Variants in SUPT3H observed in about 807,000 individuals in gnomAD.
The protein encoded by SUPT3H is SPT3 homolog, SAGA and STAGA complex component.
Under a neutral mutation model 44.3 loss-of-function variants are expected in SUPT3H, and 44 were observed. The ratio of observed to expected loss-of-function variants is 0.99; its 90% confidence interval spans 0.78 to 1.28. SUPT3H has a LOEUF of 1.28. Among genes scored for constraint, SUPT3H ranks in the 50% most tolerant of loss-of-function variants. The pLI, the probability that SUPT3H is intolerant of heterozygous loss-of-function variation, is 0.00. For missense variants in SUPT3H, 380 were observed against 387.1 expected, an observed-to-expected ratio of 0.98 and a Z score of 0.15; for synonymous variants, 124 against 125.6, an observed-to-expected ratio of 0.99 and a Z score of 0.09.
chr6:44,848,321 G>A (rs1262335098), intron 10 of SUPT3H, among the ~76,000 whole-genome samples: 2 of 152,030 alleles, frequency 1.3e-5, no homozygotes, highest in African/African-American at 2.4e-5. Flanking sequence ...TCTCTAGCAC[G>A]GTGACTTTTC....
chr6:45,353,602 C>T (rs1240790891), intron 2 of SUPT3H, among the ~76,000 whole-genome samples: 1 of 151,446 alleles, frequency 6.6e-6, no homozygotes, highest in Non-Finnish European at 1.5e-5. Flanking sequence ...AACTTAGAAC[C>T]CTCCCTGACA....
intron 2 of SUPT3H, among the ~76,000 whole-genome samples, chr6:45,107,782 C>G (rs922983306): frequency 6.6e-6 from 1 of 152,118 alleles, no homozygotes. Flanking sequence ...ATCAAGTCAT[C>G]AAGAATGAGA....
At chr6:44,899,843 T>C (rs1764687896) in intron 10 of SUPT3H, among the ~76,000 whole-genome samples, 1 of 152,174 alleles carries the variant, frequency 6.6e-6, no homozygotes, top group Non-Finnish European at 1.5e-5. Flanking sequence ...ACTCTGGAGG[T>C]TGATCCATGA....
intron 10 of SUPT3H, among the ~76,000 whole-genome samples, chr6:44,877,999 T>C (rs1561941216): frequency 6.6e-6 from 1 of 152,342 alleles, no homozygotes; most frequent in South Asian, 2.1e-4. Flanking sequence ...ATGTATGATA[T>C]GCCGTTTCTT....
chr6:45,226,181 TA>T (rs1306493337), intron 2 of SUPT3H, among the ~76,000 whole-genome samples: 5 of 152,188 alleles, frequency 3.3e-5, no homozygotes, highest in Non-Finnish European at 5.9e-5. Flanking sequence ...GAAATGGTGA[TA>T]TTTTTCAGTT....
intron 2 of SUPT3H, among the ~76,000 whole-genome samples, chr6:45,181,100 G>A (rs1336918363): frequency 1.3e-5 from 2 of 151,192 alleles, no homozygotes; most frequent in African/African-American, 4.9e-5. Context: ...ATGCAGCCAA[G>A]AAACACATGA....
At chr6:45,336,144 C>T (rs918492715) in intron 2 of SUPT3H, among the ~76,000 whole-genome samples, 1 of 151,304 alleles carries the variant, frequency 6.6e-6, no homozygotes, top group Admixed American at 6.6e-5. Flanking sequence ...AAACCAAACA[C>T]ATATACATTA....
intron 8 of SUPT3H, 101 bp from the exon 9 acceptor site, chr6:44,953,518 T>C: frequency 1.1e-6 from 1 of 886,816 alleles, no homozygotes; most frequent in Middle Eastern, 2.2e-4. Context: ...TTACTGATAA[T>C]CCTGCTTGCC....
chr6:45,287,613 G>C (rs1285460451), intron 2 of SUPT3H, among the ~76,000 whole-genome samples: 1 of 152,146 alleles, frequency 6.6e-6, no homozygotes, highest in African/African-American at 2.4e-5. Flanking sequence ...TGGGAGGATG[G>C]GGGAAGGAGC....
intron 10 of SUPT3H, among the ~76,000 whole-genome samples, chr6:44,831,946 A>G (rs1239490336): frequency 6.6e-6 from 1 of 152,178 alleles, no homozygotes; most frequent in African/African-American, 2.4e-5. Context: ...GAGAAAACCA[A>G]AGTTTAGAGT....
At chr6:45,048,963 G>C (rs1320102996) in intron 3 of SUPT3H, among the ~76,000 whole-genome samples, 1 of 152,062 alleles carries the variant, frequency 6.6e-6, no homozygotes, top group Non-Finnish European at 1.5e-5. Flanking sequence ...AAACATACAA[G>C]AGAACTGTAC....
chr6:44,849,229 T>TAA (rs1285315310), intron 10 of SUPT3H, among the ~76,000 whole-genome samples: 6 of 140,052 alleles, frequency 4.3e-5, no homozygotes, highest in Admixed American at 3.5e-4. Flanking sequence ...ACTTTTTTTT[T>TAA]TTTTTTTTTT....
At chr6:44,960,473 C>T (rs1031090988) in intron 7 of SUPT3H, among the ~76,000 whole-genome samples, 10 of 144,238 alleles carry the variant, frequency 6.9e-5, no homozygotes, top group Non-Finnish European at 1.2e-4. Flanking sequence ...AACAAACAAA[C>T]AAAAAAACAT....
intron 10 of SUPT3H, among the ~76,000 whole-genome samples, chr6:44,870,415 G>A (rs1052110568): frequency 9.2e-5 from 14 of 151,916 alleles, no homozygotes; most frequent in Admixed American, 1.3e-4. Context: ...TGGGCAACAC[G>A]GTGAAACTCC....
intron 1 of SUPT3H, among the ~76,000 whole-genome samples, 181 bp from the exon 2 acceptor site, chr6:45,365,482 GA>G: frequency 6.6e-6 from 1 of 151,582 alleles, no homozygotes; most frequent in South Asian, 2.1e-4. Flanking sequence ...TAGCAAGGTG[GA>G]AAAAAACTAG....
chr6:45,375,001 G>A (rs190659282), intron 1 of SUPT3H, among the ~76,000 whole-genome samples: 167 of 152,292 alleles, frequency 1.1e-3, no homozygotes, highest in African/African-American at 3.6e-3. Flanking sequence ...GAGATCAAGA[G>A]TTCAAAACCA....
At chr6:45,181,039 T>G (rs1055090321) in intron 2 of SUPT3H, among the ~76,000 whole-genome samples, 9 of 151,080 alleles carry the variant, frequency 6.0e-5, no homozygotes, top group African/African-American at 2.2e-4. Context: ...AACAACCCCA[T>G]CAAAAAGTGG....
At chr6:45,178,772 C>A (rs1025439931) in intron 2 of SUPT3H, among the ~76,000 whole-genome samples, 1 of 152,238 alleles carries the variant, frequency 6.6e-6, no homozygotes, top group East Asian at 1.9e-4. Flanking sequence ...CACTCAAAAG[C>A]GCTCAAGTAC....
At chr6:45,161,804 T>C (rs776686127) in intron 2 of SUPT3H, among the ~76,000 whole-genome samples, 8 of 152,318 alleles carry the variant, frequency 5.3e-5, no homozygotes, top group Middle Eastern at 3.4e-3. Context: ...GTAGACATTT[T>C]ATTTTATATG....
Sources: allele counts gnomAD v4.1 joint callset (sites outside exome capture counted in the v4.1 genomes callset), GRCh38; gene constraint gnomAD v4.1.1; transcripts MANE v1.5; gene names NCBI Gene and HGNC (gene_info 2026-07-23, HGNC 2026-07-21).